Variants in ADAMTS6 observed in about 807,000 individuals in gnomAD.
ADAMTS6 encodes ADAM metallopeptidase with thrombospondin type 1 motif 6.
Under a neutral mutation model 144.3 loss-of-function variants are expected in ADAMTS6, and 23 were observed. The ratio of observed to expected loss-of-function variants is 0.16; its 90% CI spans 0.11 to 0.23. The LOEUF (loss-of-function observed/expected upper bound fraction) is 0.23. ADAMTS6 is among the 10% of genes least tolerant of loss of function. The pLI, the probability that ADAMTS6 is intolerant of heterozygous loss-of-function variation, is 1.00. For synonymous variants in ADAMTS6, 444 were observed against 457.5 expected (o/e 0.97, Z 0.38); for missense variants, 999 against 1,379.6 (o/e 0.72, Z 4.37).
At chr5:65,234,656 T>C (rs1758532112) in intron 15 of ADAMTS6, among the ~76,000 whole-genome samples, 1 of 152,138 alleles carries the variant, frequency 6.6e-6, no homozygotes, top group South Asian at 2.1e-4. Context: ...ACATTATTGG[T>C]GGGAATGTAA....
intron 24 of ADAMTS6, among the ~76,000 whole-genome samples, chr5:65,154,692 G>A (rs1321733822): frequency 6.6e-6 from 1 of 152,210 alleles, no homozygotes; most frequent in African/African-American, 2.4e-5. Context: ...CTCATAGGAT[G>A]TTGTGAGGTT....
chr5:65,179,064 C>T (rs537678165), intron 22 of ADAMTS6, among the ~76,000 whole-genome samples: 1 of 152,092 alleles, frequency 6.6e-6, no homozygotes, highest in Admixed American at 6.6e-5. Context: ...TCCAGTCACA[C>T]CCGGAAGCTG....
Position 65,300,085 on chromosome 5 carries a change from C to T in ADAMTS6, c.1270G>A (p.Gly424Ser), listed in dbSNP as rs1349018721. 6.2e-7 allele frequency: 1 copy of T among 1,614,086 alleles called. No individual in the cohort carries two copies. ...DGIGNSCGTK[G>S]HEAAKLMAAH... Reference sequence around the variant, plus strand: ...GCCATAAGTTTTGCTGCTTCATGACCTTTCGTCCCACAAGAATTTCCAATT... The same window carrying T: ...GCCATAAGTTTTGCTGCTTCATGACTTTTCGTCCCACAAGAATTTCCAATT... Residue 424 changes from glycine (G) to serine (S), a missense_variant, in exon 10 of 25, where the codon GGT becomes AGT. Around this residue, in one of 3 missense-constraint regions of ADAMTS6, gnomAD observed 128 missense variants for 249.0 expected, o/e 0.51. Coordinates refer to ENST00000381055, the MANE Select transcript of ADAMTS6 (RefSeq NM_197941.4).
chr5:65,396,364 G>A lies in ADAMTS6; in HGVS notation c.1073+55111C>T, dbSNP rs1396634011. On this transcript the variant is annotated intron_variant, in intron 7 of 24. Coordinates refer to ENST00000381055, the MANE Select transcript of ADAMTS6 (RefSeq NM_197941.4). ...ATTCAGAAAGAAACTTTAAAATAAA[G>A]TTTATAGGATTTCAAATGTCTTGAT... Among the ~76,000 whole-genome samples the A allele has an allele frequency of 5.3e-5, 8 of 152,072 alleles. 1 individual carries two copies.
At chr5:65,336,788 C>T (rs1747348033) in intron 7 of ADAMTS6, among the ~76,000 whole-genome samples, 1 of 152,006 alleles carries the variant, frequency 6.6e-6, no homozygotes, top group Non-Finnish European at 1.5e-5. Flanking sequence ...TAACTGATAA[C>T]CTTTATCCAC....
intron 11 of ADAMTS6, among the ~76,000 whole-genome samples, chr5:65,275,147 GA>G (rs1762359051): frequency 7.5e-6 from 1 of 133,496 alleles, no homozygotes; most frequent in African/African-American, 2.7e-5. Context: ...TTGAGCCCAA[GA>G]GTTAGAAGTT....
At chr5:65,297,460 T>A (rs1742949492) in intron 10 of ADAMTS6, among the ~76,000 whole-genome samples, 1 of 152,322 alleles carries the variant, frequency 6.6e-6, no homozygotes, top group East Asian at 1.9e-4. Context: ...GAGAAAGGTA[T>A]GCGTTTTGTT....
At chr5:65,449,617 T>G (rs1580734644) in intron 7 of ADAMTS6, among the ~76,000 whole-genome samples, 1 of 151,694 alleles carries the variant, frequency 6.6e-6, no homozygotes, top group African/African-American at 2.4e-5. Flanking sequence ...CAGGACTCCA[T>G]CTCAAAAATA....
rs1476906664 is a variant in ADAMTS6, at chr5:65,225,003, A to G, written c.2112T>C (p.Asp704=). 2.5e-6 allele frequency: 4 copies of G among 1,614,102 alleles called. No homozygotes were observed. The highest frequency in any genetic ancestry group is 3.3e-5 in the Admixed American group (2 of 60,004). The part of the protein sequence containing the change: ...DNILGSDARE[D]RCRVCGGDGS... ...CGTCCCCTCCACAGACTCGACATCT[A>G]TCTTCCCTAGCATCAGATCCCAAAA... Residue 704 remains aspartate (D), a synonymous_variant, in exon 17 of 25, where the codon GAT becomes GAC. Coordinates refer to ENST00000381055, the MANE Select transcript of ADAMTS6 (RefSeq NM_197941.4).
intron 7 of ADAMTS6, among the ~76,000 whole-genome samples, chr5:65,387,205 T>C (rs985217614): frequency 3.9e-5 from 6 of 152,206 alleles, no homozygotes. Flanking sequence ...AAGTTTAATT[T>C]GAAAGCTAGA....
intron 9 of ADAMTS6, among the ~76,000 whole-genome samples, chr5:65,313,127 C>T (rs990593642): frequency 1.8e-5 from 2 of 111,568 alleles, no homozygotes; most frequent in African/African-American, 6.6e-5. Flanking sequence ...ATTATTTCTG[C>T]AACACACACA....
chr5:65,457,886 C>T (rs1759345382), intron 4 of ADAMTS6, among the ~76,000 whole-genome samples: 1 of 151,240 alleles, frequency 6.6e-6, no homozygotes, highest in African/African-American at 2.4e-5. Context: ...GCCACGACGC[C>T]TGGCTAATTT....
At chr5:65,173,062 T>G in intron 22 of ADAMTS6, 54 bp from the exon 23 acceptor site, 1 of 1,550,118 alleles carries the variant, frequency 6.5e-7, no homozygotes. Flanking sequence ...CAGAGGAAAA[T>G]TTGAAGAAAG....
chr5:65,300,977 C>T (rs1027052193), intron 9 of ADAMTS6, among the ~76,000 whole-genome samples: 1 of 152,110 alleles, frequency 6.6e-6, no homozygotes, highest in African/African-American at 2.4e-5. Flanking sequence ...ATTTAACACA[C>T]ATGTAATTTG....
At chr5:65,394,377 G>GCATT (rs1753172172) in intron 7 of ADAMTS6, among the ~76,000 whole-genome samples, 1 of 152,164 alleles carries the variant, frequency 6.6e-6, no homozygotes, top group African/African-American at 2.4e-5. Flanking sequence ...AACTACAACT[G>GCATT]CATTAGAGAC....
intron 14 of ADAMTS6, among the ~76,000 whole-genome samples, chr5:65,242,476 T>C: frequency 6.6e-6 from 1 of 152,202 alleles, no homozygotes; most frequent in East Asian, 1.9e-4. Flanking sequence ...ATAATCCTCT[T>C]TGTAGTCCAT....
intron 14 of ADAMTS6, among the ~76,000 whole-genome samples, chr5:65,257,980 A>G (rs537603126): frequency 2.0e-5 from 3 of 152,368 alleles, no homozygotes; most frequent in Admixed American, 1.3e-4. Context: ...GCATTCAATT[A>G]TTTTTTAAAC....
chr5:65,420,388 AT>A (rs982158907), intron 7 of ADAMTS6, among the ~76,000 whole-genome samples: 5 of 150,520 alleles, frequency 3.3e-5, no homozygotes, highest in African/African-American at 7.3e-5. Flanking sequence ...TTCGATCTGA[AT>A]TTTTTTTTTC....
chr5:65,191,307 GA>G (rs1755005230), intron 21 of ADAMTS6, among the ~76,000 whole-genome samples: 1 of 152,072 alleles, frequency 6.6e-6, no homozygotes, highest in Non-Finnish European at 1.5e-5. Context: ...ATAATTTGGA[GA>G]AGGGAATAAG....
Sources: gnomAD v4.1 joint callset for allele counts (sites outside exome capture counted in the v4.1 genomes callset) on GRCh38, gnomAD v4.1.1 for gene constraint, gnomAD v4.1.1 regional missense constraint, MANE v1.5 for transcripts, NCBI Gene and HGNC (gene_info 2026-07-23, HGNC 2026-07-21) for gene names.